RIC1: variants seen among roughly 807,000 people sequenced by gnomAD.
RIC1 encodes the protein RIC1 partner of RAB6A GEF complex.
In RIC1, 88 loss-of-function variants were observed where a neutral mutation model predicts 169.0. That is an observed-to-expected ratio of 0.52 (90% confidence interval 0.44 to 0.62). RIC1 has a LOEUF of 0.62. Ranked by LOEUF, RIC1 falls within the 20% of genes least tolerant of loss-of-function variation. The pLI, the probability that RIC1 is intolerant of heterozygous loss-of-function variation, is 0.00. For missense variants in RIC1, 1,877 were observed against 1,725.5 expected (o/e 1.09, Z -1.56); for synonymous variants, 790 against 601.5 (o/e 1.31, Z -4.59).
chr9:5,703,444 G>T (rs1350737623), intron 3 of RIC1, among the ~76,000 whole-genome samples: 1 of 152,086 alleles, frequency 6.6e-6, no homozygotes, highest in Non-Finnish European at 1.5e-5. Context: ...ATCACTCCAG[G>T]CAGAAACCAT....
rs2131164653 is a variant in RIC1 at position 5,774,368 on chromosome 9, G to T, written c.*122G>T. On this transcript the variant is annotated 3_prime_UTR_variant, in exon 26 of 26. Coordinates refer to ENST00000414202, the MANE Select transcript of RIC1 (RefSeq NM_020829.4). Reference sequence around the variant, plus strand: ...TTCAGAGACTCTTCGGTAAGTATTAGTAGATTTTAACTAATTCTTTCTTGT... The same window carrying T: ...TTCAGAGACTCTTCGGTAAGTATTATTAGATTTTAACTAATTCTTTCTTGT... The T allele has an allele frequency of 1.3e-6, 1 of 750,254 alleles. No homozygotes were observed. The highest frequency in any genetic ancestry group is 2.0e-6 in the Non-Finnish European group (1 of 496,016). The allele number at this position is 750,254 out of a possible 1,614,324, so 46.5% of individuals were successfully genotyped here. A position where few individuals can be genotyped will look rare whatever the true frequency, so the allele number is the denominator to read the frequency against.
At chr9:5,723,733 G>T (rs536787785) in intron 6 of RIC1, among the ~76,000 whole-genome samples, 6 of 152,152 alleles carry the variant, frequency 3.9e-5, no homozygotes, top group Non-Finnish European at 7.4e-5. Flanking sequence ...ATTAATTTTT[G>T]TATAAGGTGT....
At chr9:5,701,860 A>G (rs906079112) in intron 3 of RIC1, among the ~76,000 whole-genome samples, 2 of 152,204 alleles carry the variant, frequency 1.3e-5, no homozygotes, top group Non-Finnish European at 2.9e-5. Flanking sequence ...TCAAAAGCAA[A>G]GGAGTAACTG....
chr9:5,746,871 A>C (rs1368604888), intron 11 of RIC1, among the ~76,000 whole-genome samples: 2 of 152,178 alleles, frequency 1.3e-5, no homozygotes, highest in African/African-American at 4.8e-5. Context: ...TTTCAGATCC[A>C]TTATTCCACT....
intron 3 of RIC1, among the ~76,000 whole-genome samples, chr9:5,703,529 G>A (rs532497178): frequency 2.0e-5 from 3 of 152,238 alleles, no homozygotes; most frequent in African/African-American, 7.2e-5. Flanking sequence ...TCTTGTCTGT[G>A]TCTCTCTGGA....
intron 2 of RIC1, among the ~76,000 whole-genome samples, chr9:5,671,948 G>A (rs1335555188): frequency 1.3e-5 from 2 of 152,178 alleles, no homozygotes; most frequent in Admixed American, 6.5e-5. Context: ...GGAGGACTGT[G>A]TCTGCTCCTG....
chr9:5,768,848 A>C, intron 21 of RIC1, 122 bp from the exon 22 acceptor site: 1 of 1,061,490 alleles, frequency 9.4e-7, no homozygotes, highest in Non-Finnish European at 1.3e-6. Flanking sequence ...CTTCATTGTC[A>C]ATCAGAATTA....
chr9:5,665,549 A>G (rs1819702865), intron 2 of RIC1, among the ~76,000 whole-genome samples: 1 of 152,126 alleles, frequency 6.6e-6, no homozygotes, highest in Non-Finnish European at 1.5e-5. Flanking sequence ...GCATTTTTGC[A>G]TTGATTAATT....
intron 25 of RIC1, 24 bp from the exon 26 acceptor site, chr9:5,773,934 C>G (rs770892035): frequency 2.6e-6 from 4 of 1,538,082 alleles, no homozygotes; most frequent in South Asian, 1.3e-5. Flanking sequence ...GGCAGATGAG[C>G]TAATGTTTTT....
At chr9:5,741,438 C>T (rs1349454050) in intron 8 of RIC1, among the ~76,000 whole-genome samples, 2 of 152,132 alleles carry the variant, frequency 1.3e-5, no homozygotes, top group Non-Finnish European at 2.9e-5. Context: ...TTTTCTGGAA[C>T]TCAGATATAC....
intron 17 of RIC1, 149 bp from the exon 18 acceptor site, chr9:5,762,392 C>T: frequency 5.5e-6 from 5 of 904,668 alleles, no homozygotes; most frequent in Non-Finnish European, 8.0e-6. Context: ...TCCTTATATT[C>T]CCACAGAGCC....
intron 12 of RIC1, chr9:5,748,829 G>GA (rs1415899576): frequency 2.0e-5 from 3 of 152,338 alleles, no homozygotes; most frequent in African/African-American, 7.2e-5. Context: ...CCATATAAGA[G>GA]AAACATTTTA....
In RIC1 at chr9:5,742,872, T is replaced by C. The variant is rs1235490467; in HGVS notation, c.905T>C (p.Ile302Thr). The C allele has an allele frequency of 1.2e-6, 2 of 1,610,344 alleles. No homozygotes were observed. The highest frequency in any genetic ancestry group is 2.2e-5 in the South Asian group (2 of 90,674). ...TCTTCTCACTATTTCCTAACAGACA[T>C]TTGGAATAAAACAGGAGCTGTTAAA... is the stretch of plus-strand genomic sequence containing the variant. ...LELTAKQYPDIWNKTGAVKLM... is the reference protein window; with the variant it reads ...LELTAKQYPDTWNKTGAVKLM... Residue 302 changes from isoleucine (I) to threonine (T), a missense_variant, in exon 9 of 26, where the codon ATT becomes ACT. By Grantham distance (89) the Ile-to-Thr change is moderately conservative (BLOSUM62 -1). Coordinates refer to ENST00000414202, the MANE Select transcript of RIC1 (RefSeq NM_020829.4).
intron 2 of RIC1, among the ~76,000 whole-genome samples, chr9:5,658,263 A>G (rs1331251350): frequency 2.6e-5 from 4 of 152,132 alleles, no homozygotes; most frequent in Admixed American, 2.6e-4. Context: ...ATTCAATGGC[A>G]CTATAGCTAT....
rs1194980045 is a variant in RIC1 at position 5,738,457 on chromosome 9, G to T, written c.820G>T (p.Val274Leu). The T allele has an allele frequency of 6.3e-7, 1 of 1,597,436 alleles. No homozygotes were observed. Among genetic ancestry groups the T allele is most frequent in the Non-Finnish European group, 8.5e-7 (1 of 1,174,408 alleles). ...LMAFGCVSGS[V>L]QVYTIDNSTG... ...TCGTTGTTGTTTTCACAGTGGTTCTGTGCAGGTCTATACAATAGATAACAG... is the reference window on the plus strand; with the variant it reads ...TCGTTGTTGTTTTCACAGTGGTTCTTTGCAGGTCTATACAATAGATAACAG... Residue 274 changes from valine (V) to leucine (L), a missense_variant, in exon 8 of 26, where the codon GTG (valine) becomes TTG (leucine). Val to Leu is a conservative substitution (Grantham distance 32). Coordinates refer to ENST00000414202, the MANE Select transcript of RIC1 (RefSeq NM_020829.4).
chr9:5,772,733 C>T lies in RIC1; in HGVS notation c.3786C>T (p.Val1262=), dbSNP rs1827307665. ...LASKGPHKSQ[V]QLRYLLHIFM... The stretch of plus-strand genomic sequence containing the variant: ...GTAAAGGGCCTCATAAATCCCAGGT[C>T]CAGCTTCGGTGAGTTTCTTGGCTAT... The change falls in exon 24 of 26, where the codon GTC becomes GTT. Residue 1262 remains valine (V), a synonymous_variant. Coordinates refer to ENST00000414202, the MANE Select transcript of RIC1 (RefSeq NM_020829.4). 22 of 1,605,516 alleles carry T rather than the reference C, an allele frequency of 1.4e-5. No individual in the cohort carries two copies. Among genetic ancestry groups the T allele is most frequent in the Non-Finnish European group, 1.9e-5 (22 of 1,176,838 alleles).
intron 1 of RIC1, among the ~76,000 whole-genome samples, chr9:5,649,450 A>G (rs921173976): frequency 5.3e-5 from 8 of 152,068 alleles, no homozygotes; most frequent in African/African-American, 1.9e-4. Context: ...CTTCTGCTTG[A>G]TATCATCCAT....
chr9:5,720,844 G>C, intron 6 of RIC1, 94 bp downstream of exon 6: 1 of 1,120,656 alleles, frequency 8.9e-7, no homozygotes, highest in South Asian at 1.8e-5. Flanking sequence ...ATTCATGTAA[G>C]ATTTTAAGGG....
intron 1 of RIC1, among the ~76,000 whole-genome samples, chr9:5,635,506 T>C (rs1483867689): frequency 2.0e-5 from 3 of 152,232 alleles, no homozygotes; most frequent in South Asian, 4.1e-4. Flanking sequence ...TGCGTGGTTT[T>C]ATTTCTGGAC....
Sources: allele counts gnomAD v4.1 joint callset (sites outside exome capture counted in the v4.1 genomes callset), GRCh38; gene constraint gnomAD v4.1.1; transcripts MANE v1.5; gene names NCBI Gene and HGNC (gene_info 2026-07-23, HGNC 2026-07-21).